The following FSTL4 variants were observed in gnomAD, a reference collection of about 807,000 sequenced individuals.
FSTL4 encodes the protein follistatin-related protein 4.
In FSTL4, 28 loss-of-function variants were observed where a neutral mutation model predicts 78.2. The observed-to-expected ratio is 0.36, with a 90% CI of 0.27 to 0.49. FSTL4 has a LOEUF of 0.49. FSTL4 is among the 20% of genes least tolerant of loss of function. The pLI is 0.98. For missense variants in FSTL4, 922 were observed against 1,084.9 expected (o/e 0.85, Z 2.11); for synonymous variants, 422 against 440.5 (o/e 0.96, Z 0.53).
intron 3 of FSTL4, among the ~76,000 whole-genome samples, chr5:133,451,296 C>T (rs1274181725): frequency 6.6e-6 from 1 of 152,094 alleles, no homozygotes; most frequent in Non-Finnish European, 1.5e-5. Flanking sequence ...CACGGTGGCT[C>T]ATGCCTGTAA....
At chr5:133,467,050 G>A (rs1338823527) in intron 3 of FSTL4, among the ~76,000 whole-genome samples, 1 of 151,780 alleles carries the variant, frequency 6.6e-6, no homozygotes, top group Non-Finnish European at 1.5e-5. Context: ...ATGATTGTAT[G>A]AGTATATGTA....
chr5:133,563,426 A>G (rs1288127814), intron 3 of FSTL4, among the ~76,000 whole-genome samples: 1 of 152,228 alleles, frequency 6.6e-6, no homozygotes, highest in Non-Finnish European at 1.5e-5. Context: ...CCAGCCCAGA[A>G]GCATTCCTCA....
Position 133,611,959 on chromosome 5 carries a change from T to A in FSTL4, c.-11+366A>T, listed in dbSNP as rs1267234070. Reference sequence around the variant, plus strand: ...AACCCAAGAACGGCGCCTGCAGGATTTCGGAGCCGGGCGCGAGCTGCGGGC... The same window carrying A: ...AACCCAAGAACGGCGCCTGCAGGATATCGGAGCCGGGCGCGAGCTGCGGGC... On this transcript the variant is annotated intron_variant, in intron 1 of 15. Transcript: ENST00000265342. The surrounding 1 kb of genome is among the most constrained non-coding windows in gnomAD (Gnocchi z 4.9). Among the ~76,000 whole-genome samples, 1 of 151,548 alleles carries A rather than the reference T, an allele frequency of 6.6e-6. No individual in the cohort carries two copies. Among genetic ancestry groups the A allele is most frequent in the African/African-American group, 2.4e-5 (1 of 41,270 alleles).
At chr5:133,466,935 TGA>T (rs780707856) in intron 3 of FSTL4, among the ~76,000 whole-genome samples, 6 of 149,388 alleles carry the variant, frequency 4.0e-5, no homozygotes, top group Non-Finnish European at 7.4e-5. Context: ...TGTGAGAATA[TGA>T]GTGTGTGAGT....
At chr5:133,679,047 A>G in the FSTL4 span, among the ~76,000 whole-genome samples, 1 of 152,192 alleles carries the variant, frequency 6.6e-6, no homozygotes, top group Non-Finnish European at 1.5e-5. Context: ...GATCATGAGC[A>G]GGGAAGACAC....
intron 4 of FSTL4, among the ~76,000 whole-genome samples, chr5:133,364,206 C>A (rs899046532): frequency 5.3e-5 from 8 of 151,606 alleles, no homozygotes; most frequent in Non-Finnish European, 4.4e-5. Flanking sequence ...GGGACATGTT[C>A]AAAGTGCATC....
the FSTL4 span, among the ~76,000 whole-genome samples, chr5:133,795,678 A>G: frequency 6.6e-6 from 1 of 152,066 alleles, no homozygotes; most frequent in Admixed American, 6.6e-5. Context: ...ATCTTAGAAG[A>G]CTCTACCGCC....
intron 4 of FSTL4, among the ~76,000 whole-genome samples, chr5:133,323,524 T>C (rs1754124738): frequency 1.3e-5 from 2 of 152,240 alleles, no homozygotes; most frequent in Admixed American, 1.3e-4. Context: ...CCCTCCCTCC[T>C]GACCGCCAGT....
chr5:133,378,276 AT>A (rs1279204467), intron 4 of FSTL4, among the ~76,000 whole-genome samples: 4 of 152,216 alleles, frequency 2.6e-5, no homozygotes, highest in Admixed American at 1.3e-4. Context: ...TTGTTAGCTG[AT>A]TTTAAAAGCA....
intron 7 of FSTL4, among the ~76,000 whole-genome samples, chr5:133,237,218 G>A (rs971250803): frequency 2.0e-5 from 3 of 152,104 alleles, no homozygotes; most frequent in African/African-American, 4.8e-5. Context: ...TGCAGCCCTC[G>A]GGAGAACTCG....
chr5:133,206,735 T>C (rs925033613), intron 14 of FSTL4, among the ~76,000 whole-genome samples: 1 of 152,228 alleles, frequency 6.6e-6, no homozygotes, highest in African/African-American at 2.4e-5. Flanking sequence ...TGTCTATTTT[T>C]GTTTGCTTTT....
At chr5:133,831,402 C>T in the FSTL4 span, among the ~76,000 whole-genome samples, 5 of 151,764 alleles carry the variant, frequency 3.3e-5, no homozygotes, top group African/African-American at 1.2e-4. Context: ...TTCTATAAAT[C>T]CACCAGCTCA....
intron 3 of FSTL4, among the ~76,000 whole-genome samples, chr5:133,516,268 G>A (rs1309223834): frequency 6.6e-6 from 1 of 151,644 alleles, no homozygotes; most frequent in Non-Finnish European, 1.5e-5. Context: ...GAAAAGAAGA[G>A]GAGAAAATTA....
the FSTL4 span, among the ~76,000 whole-genome samples, chr5:133,797,093 A>G: frequency 1.1e-4 from 17 of 152,316 alleles, no homozygotes; most frequent in South Asian, 4.1e-4. Flanking sequence ...ATGAGTGACC[A>G]TGGCCTGGCA....
intron 4 of FSTL4, among the ~76,000 whole-genome samples, chr5:133,321,006 CAAAA>C (rs3976680): frequency 1.1e-5 from 1 of 90,438 alleles, no homozygotes; most frequent in South Asian, 4.2e-4. Flanking sequence ...GACTCCGTCT[CAAAA>C]AAAAAAAAAA....
intron 3 of FSTL4, among the ~76,000 whole-genome samples, chr5:133,450,329 C>G (rs13436430): frequency 0.011 from 1,707 of 152,292 alleles, 36 homozygotes; most frequent in African/African-American, 0.039. Context: ...GAGGGTGAAC[C>G]TACTGAGCCC....
chr5:133,308,813 C>T (rs1420116393), intron 6 of FSTL4, among the ~76,000 whole-genome samples: 1 of 152,136 alleles, frequency 6.6e-6, no homozygotes, highest in East Asian at 1.9e-4. Flanking sequence ...GTGTCTGGCT[C>T]CCCTACATTC....
intron 3 of FSTL4, among the ~76,000 whole-genome samples, chr5:133,489,427 T>C (rs1758211779): frequency 6.6e-6 from 1 of 152,104 alleles, no homozygotes; most frequent in Non-Finnish European, 1.5e-5. Flanking sequence ...TTCTCTTTTC[T>C]TTTTTTTCTG....
At chr5:133,218,806 T>G (rs376556874) in intron 12 of FSTL4, among the ~76,000 whole-genome samples, 15 of 152,328 alleles carry the variant, frequency 9.8e-5, no homozygotes, top group African/African-American at 3.6e-4. Context: ...CAGCTGCATT[T>G]TCCATTTACC....
Sources: gnomAD v4.1 joint callset for allele counts (sites outside exome capture counted in the v4.1 genomes callset) on GRCh38, gnomAD v4.1.1 for gene constraint, Gnocchi (gnomAD v3.1) non-coding constraint, MANE v1.5 for transcripts, NCBI Gene and HGNC (gene_info 2026-07-23, HGNC 2026-07-21) for gene names.